The following STOX2 variants were observed in gnomAD, a reference collection of about 807,000 sequenced individuals.
STOX2 encodes storkhead box 2.
STOX2 carries 28 observed loss-of-function variants against 60.9 expected under a neutral mutation model. That is an observed-to-expected ratio of 0.46 (90% confidence interval 0.34 to 0.63). The LOEUF (loss-of-function observed/expected upper bound fraction) is 0.63. Among genes scored for constraint, STOX2 ranks in the 30% least tolerant of loss-of-function variants. The pLI is 0.01. For synonymous variants in STOX2, 472 were observed against 463.9 expected (o/e 1.02, Z -0.22); for missense variants, 1,024 against 1,187.7 (o/e 0.86, Z 2.03).
chr4:183,933,187 C>T (rs1012127684), intron 1 of STOX2, among the ~76,000 whole-genome samples: 6 of 152,198 alleles, frequency 3.9e-5, no homozygotes, highest in African/African-American at 7.2e-5. Flanking sequence ...ATCTGGCTCA[C>T]GTACAACATT....
In STOX2 at chr4:183,906,752, A is replaced by G; in HGVS notation, c.-39A>G. On this transcript the variant is annotated 5_prime_UTR_variant, in exon 1 of 4. An upstream open reading frame in the 5' UTR loses its in-frame stop. Transcript: ENST00000308497. ...AGGAGCGCGCTGCGCCCCGGCGCTG[A>G]GGCCCCGAGGATCGGGGCGGCAGGT... 6.8e-7 allele frequency: 1 copy of G among 1,465,786 alleles called. No individual in the cohort carries two copies. Among genetic ancestry groups the G allele is most frequent in the Non-Finnish European group, 9.1e-7 (1 of 1,101,116 alleles). 90.8% of individuals were successfully genotyped at this position (1,465,786 alleles called of 1,614,324 possible).
At chr4:183,977,423 A>G (rs1165409831) in intron 1 of STOX2, among the ~76,000 whole-genome samples, 1 of 152,188 alleles carries the variant, frequency 6.6e-6, no homozygotes, top group East Asian at 1.9e-4. Flanking sequence ...TGTACTATAA[A>G]TACAGTTTTT....
rs561614161 is a variant in STOX2, at chr4:183,834,601, A to G, written c.364+36546A>G. Among the ~76,000 whole-genome samples, 7 of 152,286 alleles carry G rather than the reference A, an allele frequency of 4.6e-5. No homozygotes were observed. In the East Asian group the frequency reaches 1.4e-3, roughly 29 times the overall value. ...AGGAAGGCTGTTGGCTCTACATTCT[A>G]TATATTCCCCAGTTGTCGCTCAGAA... On this transcript the variant is annotated intron_variant, in intron 1 of 2. Transcript: ENST00000513034.
Position 184,009,138 on chromosome 4 carries a change from T to TA in STOX2, c.320-20_320-19insA. 1 of 1,159,692 alleles carries TA rather than the reference T, an allele frequency of 8.6e-7. No individual in the cohort carries two copies. The highest frequency in any genetic ancestry group is 1.1e-6 in the Non-Finnish European group (1 of 883,876). The allele number at this position is 1,159,692 out of a possible 1,614,324, so 71.8% of individuals were successfully genotyped here. On this transcript the variant is annotated intron_variant, in intron 2 of 3. Coordinates refer to ENST00000308497, the MANE Select transcript of STOX2 (RefSeq NM_020225.3). The surrounding 1 kb of genome is among the most constrained non-coding windows in gnomAD (Gnocchi z 4.0). ...TTCTGTCTTCATTCTCACAAGTGGT[T>TA]TTTTTTTTTTTTTTTTCAGGTGTTC...
intron 1 of STOX2, among the ~76,000 whole-genome samples, chr4:183,879,516 C>CTA (rs1740906897): frequency 2.0e-5 from 3 of 152,204 alleles, no homozygotes; most frequent in Admixed American, 6.5e-5. Flanking sequence ...CTCATGGGCC[C>CTA]TAACATCAGG....
At position 183,802,462 on chromosome 4, in the gene STOX2, A is replaced by G. The variant is rs543212141; in HGVS notation, c.364+4407A>G. The stretch of plus-strand genomic sequence containing the variant: ...CTATCATGGCTCACTGCAGCCTCCA[A>G]CTCCTGAGCTCAAGTGGTCCTCCTG... On this transcript the variant is annotated intron_variant, in intron 1 of 2. Transcript: ENST00000513034. Among the ~76,000 whole-genome samples the G allele has an allele frequency of 6.3e-4, 94 of 150,248 alleles. No homozygotes were observed. The Middle Eastern group carries it at 0.014, about 22-fold the overall frequency.
At chr4:183,932,468 T>C (rs1336148050) in intron 1 of STOX2, among the ~76,000 whole-genome samples, 13 of 136,688 alleles carry the variant, frequency 9.5e-5, no homozygotes, top group South Asian at 2.4e-4. Flanking sequence ...ATACAGTATA[T>C]GTATGTATAC....
chr4:183,859,758 A>C (rs767446861), intron 1 of STOX2, among the ~76,000 whole-genome samples: 8 of 152,234 alleles, frequency 5.3e-5, no homozygotes, highest in African/African-American at 1.9e-4. Context: ...TGAAACCCAC[A>C]TGTCACTGGG....
rs767593643 is a variant in STOX2 at position 184,009,454 on chromosome 4, G to C, written c.616G>C (p.Val206Leu). ...CTCTTGCCACTGCTGCAGAGAAGACGTGCACAGCACGCATGCACCCACCCT... is the reference window on the plus strand; with the variant it reads ...CTCTTGCCACTGCTGCAGAGAAGACCTGCACAGCACGCATGCACCCACCCT... Reference protein sequence around the residue: ...CDSCHCCREDVHSTHAPTLQR... With the variant: ...CDSCHCCREDLHSTHAPTLQR... Residue 206 changes from valine to leucine, a missense_variant, in exon 3 of 4, where the codon GTG becomes CTG. Around this residue, in one of 3 missense-constraint regions of STOX2, gnomAD observed 922 missense variants for 1,058.3 expected, o/e 0.87. Coordinates refer to ENST00000308497, the MANE Select transcript of STOX2 (RefSeq NM_020225.3). This position sits in a 1 kb window ranked among gnomAD's most constrained non-coding sequence, Gnocchi z 4.0. 6.2e-7 allele frequency: 1 copy of C among 1,614,022 alleles called. No homozygotes were observed.
chr4:183,800,357 C>T (rs1178002974), intron 1 of STOX2, among the ~76,000 whole-genome samples: 1 of 152,184 alleles, frequency 6.6e-6, no homozygotes, highest in Non-Finnish European at 1.5e-5. Flanking sequence ...GGCTGAAACT[C>T]TGCTCTGAAA....
At position 183,980,453 on chromosome 4, in the gene STOX2, G is replaced by A. The variant is rs116790514; in HGVS notation, c.167-20872G>A. Among the ~76,000 whole-genome samples, 496 of 152,310 alleles carry A rather than the reference G, an allele frequency of 3.3e-3. 5 individuals carry two copies. Among genetic ancestry groups the A allele is most frequent in the African/African-American group, 0.012 (481 of 41,564 alleles). On this transcript the variant is annotated intron_variant, in intron 1 of 3. Coordinates refer to ENST00000308497, the MANE Select transcript of STOX2 (RefSeq NM_020225.3). ...GTAGGGATAGAGGTGGACATTAGGA[G>A]TCTGTCCCCGGATACGGAGGTGTCG...
chr4:183,851,268 A>G (rs375874641), intron 1 of STOX2, among the ~76,000 whole-genome samples: 99 of 48,216 alleles, frequency 2.1e-3, no homozygotes, highest in Middle Eastern at 0.011. Context: ...AAAGGATGAG[A>G]GAAACGATGA....
At chr4:183,918,857 G>A (rs961215597) in intron 1 of STOX2, among the ~76,000 whole-genome samples, 8 of 152,206 alleles carry the variant, frequency 5.3e-5, no homozygotes, top group African/African-American at 1.4e-4. Flanking sequence ...GAGGAGCAGC[G>A]TGGGTTTTCC....
At chr4:183,916,934 C>T (rs13141172) in intron 1 of STOX2, among the ~76,000 whole-genome samples, 17,883 of 152,136 alleles carry the variant, frequency 0.12, 1,297 homozygotes, top group Middle Eastern at 0.17. Flanking sequence ...GGAGTGTGAC[C>T]GAGCCGCTCC....
chr4:183,941,397 G>A (rs572744374), intron 1 of STOX2, among the ~76,000 whole-genome samples: 4 of 152,224 alleles, frequency 2.6e-5, no homozygotes, highest in East Asian at 3.9e-4. Flanking sequence ...GCAAAACTCC[G>A]TCTCTACTAA....
intron 1 of STOX2, among the ~76,000 whole-genome samples, chr4:183,853,029 G>A (rs559236590): frequency 6.6e-6 from 1 of 152,154 alleles, no homozygotes; most frequent in Non-Finnish European, 1.5e-5. Context: ...AGGAATAATC[G>A]CACGCAGGAA....
intron 1 of STOX2, among the ~76,000 whole-genome samples, chr4:183,877,398 G>A (rs1579364078): frequency 6.6e-6 from 1 of 152,292 alleles, no homozygotes; most frequent in Non-Finnish European, 1.5e-5. Flanking sequence ...TGGAGTAGGG[G>A]AAACATGAAC....
intron 1 of STOX2, among the ~76,000 whole-genome samples, chr4:183,963,117 C>A (rs897162032): frequency 5.9e-5 from 9 of 152,298 alleles, no homozygotes; most frequent in Middle Eastern, 3.4e-3. Context: ...CCCACACTCA[C>A]CAGTCACAAA....
At chr4:183,799,206 C>T (rs111981527) in intron 1 of STOX2, among the ~76,000 whole-genome samples, 78 of 152,292 alleles carry the variant, frequency 5.1e-4, no homozygotes, top group African/African-American at 1.7e-3. Flanking sequence ...ACAAAGCTTT[C>T]TTTGACTTGA....
Sources: allele counts gnomAD v4.1 joint callset (sites outside exome capture counted in the v4.1 genomes callset), GRCh38; gene constraint gnomAD v4.1.1; regional missense constraint gnomAD v4.1.1; non-coding constraint Gnocchi (gnomAD v3.1); transcripts MANE v1.5; gene names NCBI Gene and HGNC (gene_info 2026-07-23, HGNC 2026-07-21).